SAMMSON: variants seen among roughly 807,000 people sequenced by gnomAD.
SAMMSON encodes the protein survival associated mitochondrial melanoma specific oncogenic non-coding RNA.
At chr3:70,263,409 G>A (rs556977504) in intron 6 of SAMMSON, among the ~76,000 whole-genome samples, 2 of 152,184 alleles carry the variant, frequency 1.3e-5, no homozygotes, top group East Asian at 3.9e-4. Context: ...TTACTCTAGA[G>A]CTAATTTAGC....
chr3:70,412,679 G>T (rs920156810), intron 2 of SAMMSON, among the ~76,000 whole-genome samples: 2 of 152,082 alleles, frequency 1.3e-5, no homozygotes, highest in Admixed American at 6.6e-5. Flanking sequence ...CACTGCTGTC[G>T]CTTAGCAGGG....
At chr3:70,259,197 T>G (rs565133332) in intron 6 of SAMMSON, among the ~76,000 whole-genome samples, 1 of 152,144 alleles carries the variant, frequency 6.6e-6, no homozygotes, top group Non-Finnish European at 1.5e-5. Context: ...TCTAGCCATT[T>G]CCCAGAACAC....
At chr3:70,210,798 T>G (rs889358018) in intron 4 of SAMMSON, among the ~76,000 whole-genome samples, 1 of 151,902 alleles carries the variant, frequency 6.6e-6, no homozygotes, top group Non-Finnish European at 1.5e-5. Flanking sequence ...AAAATTAAAG[T>G]GAATGTTAAA....
intron 2 of SAMMSON, among the ~76,000 whole-genome samples, chr3:70,430,688 T>C (rs952910339): frequency 1.3e-5 from 2 of 152,186 alleles, no homozygotes; most frequent in Admixed American, 1.3e-4. Flanking sequence ...ACTATTGTTA[T>C]CAGCACCAAT....
At chr3:70,180,318 A>G (rs1188697824) in intron 4 of SAMMSON, among the ~76,000 whole-genome samples, 5 of 152,132 alleles carry the variant, frequency 3.3e-5, no homozygotes, top group Non-Finnish European at 7.3e-5. Flanking sequence ...ACACACAGCA[A>G]GTTTTCAGGC....
intron 4 of SAMMSON, among the ~76,000 whole-genome samples, chr3:70,209,385 A>G (rs1030026670): frequency 6.6e-6 from 1 of 152,094 alleles, no homozygotes; most frequent in South Asian, 2.1e-4. Flanking sequence ...ACACACACAC[A>G]CGAACACACA....
At chr3:70,141,346 C>A (rs1036170857) in intron 4 of SAMMSON, among the ~76,000 whole-genome samples, 1 of 152,138 alleles carries the variant, frequency 6.6e-6, no homozygotes, top group Non-Finnish European at 1.5e-5. Flanking sequence ...ACCAGGAGTA[C>A]CAATGCCCAA....
chr3:70,348,526 C>T (rs1479163814), intron 7 of SAMMSON, among the ~76,000 whole-genome samples: 2 of 152,040 alleles, frequency 1.3e-5, no homozygotes, highest in African/African-American at 2.4e-5. Flanking sequence ...TTATAAGAGC[C>T]CTAATCCAAT....
At chr3:70,009,733 G>A (rs1375816366) in intron 1 of SAMMSON, among the ~76,000 whole-genome samples, 2 of 150,056 alleles carry the variant, frequency 1.3e-5, no homozygotes, top group Non-Finnish European at 2.9e-5. Context: ...GTGATGTTAG[G>A]GTGTCAATTT....
chr3:70,053,797 T>A (rs2067156377), intron 3 of SAMMSON, among the ~76,000 whole-genome samples: 1 of 152,132 alleles, frequency 6.6e-6, no homozygotes, highest in Non-Finnish European at 1.5e-5. Flanking sequence ...ATTATGCATG[T>A]GCATTGACAG....
intron 4 of SAMMSON, among the ~76,000 whole-genome samples, chr3:70,243,638 T>TA (rs1277924257): frequency 3.3e-5 from 5 of 152,190 alleles, no homozygotes; most frequent in Admixed American, 6.5e-5. Flanking sequence ...GCAGCGTCCC[T>TA]AGCCTCTACC....
At chr3:70,026,549 C>G (rs1440178192) in intron 3 of SAMMSON, among the ~76,000 whole-genome samples, 2 of 152,160 alleles carry the variant, frequency 1.3e-5, no homozygotes, top group Non-Finnish European at 2.9e-5. Context: ...TCCCTGATCA[C>G]CACAGACAAG....
intron 9 of SAMMSON, among the ~76,000 whole-genome samples, chr3:70,374,943 C>T (rs1192937578): frequency 2.6e-5 from 4 of 152,086 alleles, no homozygotes; most frequent in African/African-American, 9.7e-5. Flanking sequence ...AACCCTTCAA[C>T]ATTTCTAGGT....
chr3:70,421,035 A>G (rs968170935), intron 2 of SAMMSON, among the ~76,000 whole-genome samples: 1 of 152,138 alleles, frequency 6.6e-6, no homozygotes, highest in Non-Finnish European at 1.5e-5. Flanking sequence ...ACTTTCATTT[A>G]TGTCTAAAGG....
At chr3:70,248,911 T>C (rs570485072) in intron 4 of SAMMSON, among the ~76,000 whole-genome samples, 1 of 152,240 alleles carries the variant, frequency 6.6e-6, no homozygotes, top group East Asian at 1.9e-4. Context: ...TACCAGGAAA[T>C]GGGCTAAGAA....
intron 2 of SAMMSON, among the ~76,000 whole-genome samples, chr3:70,409,733 A>T (rs1701203652): frequency 6.6e-6 from 1 of 152,176 alleles, no homozygotes; most frequent in Non-Finnish European, 1.5e-5. Context: ...TGCTTTTATT[A>T]TCCTTGTTGG....
At chr3:70,325,819 A>T (rs1702577211) in intron 7 of SAMMSON, among the ~76,000 whole-genome samples, 1 of 152,136 alleles carries the variant, frequency 6.6e-6, no homozygotes, top group African/African-American at 2.4e-5. Context: ...AGAATAAAGG[A>T]AGTCTTGTCT....
chr3:70,344,053 T>C lies in SAMMSON; in HGVS notation n.740-10122T>C, dbSNP rs563700286. The stretch of plus-strand genomic sequence containing the variant: ...GGGTGTTTTGAGCACTGCTTCTAAT[T>C]TGTAGCACTAATGATATGGACAGGA... On this transcript the variant is annotated intron_variant and non_coding_transcript_variant, in intron 7 of 9. Coordinates refer to ENST00000642114, the Ensembl canonical transcript of SAMMSON. Among the ~76,000 whole-genome samples the C allele has an allele frequency of 9.2e-5, 14 of 152,092 alleles. No individual in the cohort carries two copies. The South Asian group carries it at 2.9e-3, about 32-fold the overall frequency.
At chr3:70,234,932 T>A (rs539608965) in intron 4 of SAMMSON, among the ~76,000 whole-genome samples, 2 of 152,292 alleles carry the variant, frequency 1.3e-5, no homozygotes, top group South Asian at 4.1e-4. Flanking sequence ...ACCTCACGGT[T>A]TCCTGATTTA....
Sources: allele counts gnomAD v4.1 joint callset (sites outside exome capture counted in the v4.1 genomes callset), GRCh38; gene constraint gnomAD v4.1.1; transcripts MANE v1.5; gene names NCBI Gene and HGNC (gene_info 2026-07-23, HGNC 2026-07-21).